The following GALNT13 variants were observed in gnomAD, a reference collection of about 807,000 sequenced individuals.
GALNT13 encodes UDP-GalNAc:polypeptide N-acetylgalactosaminyltransferase 13.
GALNT13 carries 28 observed loss-of-function variants against 64.2 expected under a neutral mutation model. The ratio of observed to expected loss-of-function variants is 0.44; its 90% CI spans 0.32 to 0.60. GALNT13 has a LOEUF of 0.60. Ranked by LOEUF, GALNT13 falls within the 20% of genes least tolerant of loss-of-function variation. The pLI is 0.05. For missense variants in GALNT13, 577 were observed against 669.8 expected (o/e 0.86, Z 1.53); for synonymous variants, 214 against 224.6 (o/e 0.95, Z 0.42).
At chr2:153,303,935 G>C in the GALNT13 span, among the ~76,000 whole-genome samples, 1 of 151,914 alleles carries the variant, frequency 6.6e-6, no homozygotes, top group African/African-American at 2.4e-5. Flanking sequence ...TTCAGACATT[G>C]CCGGTGAGTA....
intron 4 of GALNT13, among the ~76,000 whole-genome samples, chr2:154,182,428 G>A (rs1489306587): frequency 6.6e-6 from 1 of 151,846 alleles, no homozygotes; most frequent in Admixed American, 6.6e-5. Flanking sequence ...GCTTCAAATG[G>A]CTGCTTTTTG....
chr2:153,552,359 C>A, the GALNT13 span, among the ~76,000 whole-genome samples: 1 of 152,078 alleles, frequency 6.6e-6, no homozygotes, highest in Admixed American at 6.6e-5. Flanking sequence ...GAGAGAGGAA[C>A]AAACTGAAGA....
intron 4 of GALNT13, among the ~76,000 whole-genome samples, chr2:154,178,248 A>G (rs1044511541): frequency 6.6e-6 from 1 of 152,088 alleles, no homozygotes; most frequent in African/African-American, 2.4e-5. Flanking sequence ...GCTATGCCAA[A>G]TTGTTTCTGG....
chr2:153,966,527 G>A (rs1336773238), intron 3 of GALNT13, among the ~76,000 whole-genome samples: 2 of 151,780 alleles, frequency 1.3e-5, no homozygotes, highest in Admixed American at 6.6e-5. Flanking sequence ...CAAAACGCCT[G>A]GCTAATTTTT....
chr2:153,356,789 CTTTTT>C, the GALNT13 span, among the ~76,000 whole-genome samples: 5 of 104,904 alleles, frequency 4.8e-5, no homozygotes, highest in Admixed American at 1.9e-4. Flanking sequence ...TCTTCTTCCT[CTTTTT>C]TTTTTTTTTT....
the GALNT13 span, among the ~76,000 whole-genome samples, chr2:153,600,355 GA>G: frequency 5.9e-5 from 9 of 151,356 alleles, no homozygotes; most frequent in Non-Finnish European, 1.2e-4. Flanking sequence ...TAAGTTAGCT[GA>G]AAAATTATTC....
At chr2:153,266,054 G>A in the GALNT13 span, among the ~76,000 whole-genome samples, 2 of 152,144 alleles carry the variant, frequency 1.3e-5, no homozygotes, top group Non-Finnish European at 2.9e-5. Context: ...ATAAACTGTA[G>A]TGTAAATGTA....
chr2:153,581,257 C>T, the GALNT13 span, among the ~76,000 whole-genome samples: 4 of 152,064 alleles, frequency 2.6e-5, no homozygotes, highest in Non-Finnish European at 5.9e-5. Context: ...GACCCAGACT[C>T]ATTTGTTCAG....
chr2:153,664,151 C>T, the GALNT13 span, among the ~76,000 whole-genome samples: 1 of 152,238 alleles, frequency 6.6e-6, no homozygotes, highest in Non-Finnish European at 1.5e-5. Context: ...GCTGGAATTT[C>T]CTAATCCTAG....
the GALNT13 span, among the ~76,000 whole-genome samples, chr2:153,338,057 A>G: frequency 6.6e-6 from 1 of 152,164 alleles, no homozygotes; most frequent in Non-Finnish European, 1.5e-5. Context: ...TGATCTCAGT[A>G]CTTTGGGAGG....
At chr2:153,706,809 A>G in the GALNT13 span, among the ~76,000 whole-genome samples, 1 of 152,310 alleles carries the variant, frequency 6.6e-6, no homozygotes, top group African/African-American at 2.4e-5. Context: ...TCTGCCACTT[A>G]TTATTTCTTC....
At chr2:153,172,066 G>A in the GALNT13 span, 5 of 152,228 alleles carry the variant, frequency 3.3e-5, no homozygotes, top group African/African-American at 1.2e-4. Context: ...GGAAGAAAGA[G>A]GCAGAGATGA....
the GALNT13 span, among the ~76,000 whole-genome samples, chr2:153,209,440 T>C: frequency 6.6e-6 from 1 of 152,194 alleles, no homozygotes; most frequent in Non-Finnish European, 1.5e-5. Flanking sequence ...CTTTTTCCCA[T>C]TGAATTATGC....
intron 4 of GALNT13, among the ~76,000 whole-genome samples, chr2:154,179,697 G>T (rs930985594): frequency 1.3e-5 from 2 of 151,714 alleles, no homozygotes; most frequent in African/African-American, 4.8e-5. Flanking sequence ...CATCTTTAAG[G>T]GCTTTCTTTT....
intron 7 of GALNT13, among the ~76,000 whole-genome samples, chr2:154,258,814 A>G (rs1187552870): frequency 6.6e-6 from 1 of 151,900 alleles, no homozygotes; most frequent in Admixed American, 6.6e-5. Context: ...CTGTAAAAAA[A>G]AAAAACAAAA....
At chr2:153,843,570 T>C in the GALNT13 span, among the ~76,000 whole-genome samples, 1 of 152,202 alleles carries the variant, frequency 6.6e-6, no homozygotes, top group Non-Finnish European at 1.5e-5. Flanking sequence ...CCTTCTCACA[T>C]TGCAAAATAC....
At chr2:153,449,635 G>A in the GALNT13 span, 1 of 156,540 alleles carries the variant, frequency 6.4e-6, no homozygotes, top group Non-Finnish European at 1.4e-5. Flanking sequence ...ACCTAAGACT[G>A]GGTAATTTAT....
the GALNT13 span, among the ~76,000 whole-genome samples, chr2:153,662,704 A>G: frequency 3.9e-4 from 60 of 152,222 alleles, no homozygotes; most frequent in Non-Finnish European, 6.0e-4. Context: ...GGACATTTAT[A>G]TAATACATTT....
chr2:154,277,921 G>A (rs1467768205), intron 8 of GALNT13, among the ~76,000 whole-genome samples: 1 of 152,022 alleles, frequency 6.6e-6, no homozygotes, highest in Non-Finnish European at 1.5e-5. Flanking sequence ...TTTCTGTACT[G>A]CCACCATGAT....
Sources: allele counts gnomAD v4.1 joint callset (sites outside exome capture counted in the v4.1 genomes callset), GRCh38; gene constraint gnomAD v4.1.1; transcripts MANE v1.5; gene names NCBI Gene and HGNC (gene_info 2026-07-23, HGNC 2026-07-21).